Variants in SGK1 observed in about 807,000 individuals in gnomAD.
The protein encoded by SGK1 is serine/threonine-protein kinase Sgk1.
SGK1 carries 26 observed loss-of-function variants against 64.2 expected under a neutral mutation model. The ratio of observed to expected loss-of-function variants is 0.40; its 90% CI spans 0.30 to 0.56. SGK1 has a LOEUF of 0.56. SGK1 is among the 20% of genes least tolerant of loss of function. The probability of loss-of-function intolerance (pLI) is 0.38; values close to 1 mark genes in which losing one functional copy is unlikely to be tolerated. For synonymous variants in SGK1, 265 were observed against 239.7 expected, an observed-to-expected ratio of 1.11 and a Z score of -0.98; for missense variants, 519 against 645.6, an observed-to-expected ratio of 0.80 and a Z score of 2.12.
At chr6:134,258,480 G>A (rs544651308) in intron 2 of SGK1, among the ~76,000 whole-genome samples, 3 of 152,258 alleles carry the variant, frequency 2.0e-5, no homozygotes, top group African/African-American at 2.4e-5. Context: ...CGAGGCAGGC[G>A]AATCACCTGA....
chr6:134,196,141 A>G (rs1775590899), intron 3 of SGK1, among the ~76,000 whole-genome samples: 1 of 152,208 alleles, frequency 6.6e-6, no homozygotes. Flanking sequence ...TGTATAAGAA[A>G]TGAAAGGACA....
At chr6:134,177,202 G>A (rs932595611) in intron 3 of SGK1, among the ~76,000 whole-genome samples, 1 of 151,660 alleles carries the variant, frequency 6.6e-6, no homozygotes, top group Non-Finnish European at 1.5e-5. Context: ...AACAGAGCGA[G>A]ACTCCGTCTC....
rs1562268912 is a variant in SGK1 at position 134,265,520 on chromosome 6, T to C, written c.70-3372A>G. ...TATATATACACATATATATTTTATA[T>C]ATACATATATATTTTATATACACAT... is the stretch of plus-strand genomic sequence containing the variant. On this transcript the variant is annotated intron_variant, in intron 1 of 13. Transcript: ENST00000367858. Among the ~76,000 whole-genome samples the C allele has an allele frequency of 4.1e-5, 6 of 147,298 alleles. No homozygotes were observed. The South Asian group carries it at 1.3e-3, about 31-fold the overall frequency.
intron 3 of SGK1, among the ~76,000 whole-genome samples, chr6:134,182,861 A>G (rs1487827211): frequency 6.6e-6 from 1 of 152,236 alleles, no homozygotes; most frequent in Non-Finnish European, 1.5e-5. Flanking sequence ...ATGATTACTG[A>G]ATAAAGACTT....
At chr6:134,296,838 G>A (rs1777357055) in intron 1 of SGK1, among the ~76,000 whole-genome samples, 1 of 151,942 alleles carries the variant, frequency 6.6e-6, no homozygotes, top group Non-Finnish European at 1.5e-5. Flanking sequence ...GGGCAAGGGG[G>A]GGTCCCCAAG....
At chr6:134,253,474 C>T (rs1391737891) in intron 2 of SGK1, among the ~76,000 whole-genome samples, 1 of 151,662 alleles carries the variant, frequency 6.6e-6, no homozygotes, top group South Asian at 2.1e-4. Context: ...ACAGCGAGAC[C>T]TTGTCTCTAC....
At chr6:134,254,127 T>TTTAA (rs1562265566) in intron 2 of SGK1, among the ~76,000 whole-genome samples, 3 of 128,420 alleles carry the variant, frequency 2.3e-5, no homozygotes, top group African/African-American at 5.9e-5. Flanking sequence ...TTTTTTTTTT[T>TTTAA]CAAAAAAAAA....
intron 1 of SGK1, among the ~76,000 whole-genome samples, chr6:134,301,084 A>C (rs1171746807): frequency 6.6e-6 from 1 of 152,254 alleles, no homozygotes; most frequent in Admixed American, 6.5e-5. Flanking sequence ...AAAAATAGGA[A>C]GAAAAATCAA....
intron 4 of SGK1, 36 bp downstream of exon 4, chr6:134,174,475 T>C (rs1775144143): frequency 1.3e-6 from 2 of 1,505,906 alleles, no homozygotes; most frequent in Admixed American, 1.7e-5. Context: ...AAATTCAAAC[T>C]ATACTAGTTA....
intron 1 of SGK1, among the ~76,000 whole-genome samples, chr6:134,264,346 C>G (rs1322721170): frequency 6.6e-6 from 1 of 151,960 alleles, no homozygotes; most frequent in African/African-American, 2.4e-5. Flanking sequence ...GTCTCGATCT[C>G]CTGACCTCAT....
At chr6:134,316,568 C>T (rs1427398176) in intron 1 of SGK1, among the ~76,000 whole-genome samples, 3 of 151,876 alleles carry the variant, frequency 2.0e-5, no homozygotes, top group Non-Finnish European at 2.9e-5. Context: ...GTGGCCATCC[C>T]AGTGAACTGA....
intron 2 of SGK1, chr6:134,261,052 A>G (rs556457311): frequency 4.6e-5 from 7 of 152,344 alleles, no homozygotes; most frequent in African/African-American, 1.7e-4. Context: ...ATAATCTTAA[A>G]TTTTTGAAAT....
At chr6:134,174,662 TC>T in intron 3 of SGK1, 76 bp from the exon 4 acceptor site, 1 of 1,608,914 alleles carries the variant, frequency 6.2e-7, no homozygotes, top group South Asian at 1.1e-5. Context: ...ACTAATCTGA[TC>T]CGGGACTTTC....
In SGK1 at chr6:134,207,255, AC is replaced by A. The variant is rs1168209548; in HGVS notation, c.361+100del. ...AAAACAAAAAACAAAAAACAAACAA[AC>A]AAAAAAATATTTCCCCCCAAACCTT... On this transcript the variant is annotated intron_variant, in intron 3 of 13. Transcript: ENST00000367858. 5.1e-6 allele frequency: 4 copies of A among 783,260 alleles called. No individual in the cohort carries two copies. In the African/African-American group the frequency reaches 5.3e-5, roughly 10 times the overall value. The allele number at this position is 783,260 out of a possible 1,614,324, so 48.5% of individuals were successfully genotyped here.
chr6:134,258,863 G>A (rs187762612), intron 2 of SGK1, among the ~76,000 whole-genome samples: 28 of 152,110 alleles, frequency 1.8e-4, no homozygotes, highest in East Asian at 1.5e-3. Flanking sequence ...TGCATGGGGC[G>A]TGTAGTCCCA....
At chr6:134,251,040 G>A (rs1381644410) in intron 2 of SGK1, among the ~76,000 whole-genome samples, 1 of 152,176 alleles carries the variant, frequency 6.6e-6, no homozygotes, top group Non-Finnish European at 1.5e-5. Context: ...GGCTCCCAAA[G>A]TTCTGGGATT....
Position 134,173,466 on chromosome 6 carries a change from C to T in SGK1, c.614G>A (p.Gly205Glu). The T allele has an allele frequency of 6.2e-7, 1 of 1,609,506 alleles. No individual in the cohort carries two copies. Among genetic ancestry groups the T allele is most frequent in the Non-Finnish European group, 8.5e-7 (1 of 1,177,682 alleles). The change falls in exon 6 of 14, where the codon GGA becomes GAA. Residue 205 changes from glycine to glutamate, a missense_variant. Gly to Glu is a moderately conservative substitution (Grantham distance 98). This residue lies in a region of SGK1 where 278 missense variants were observed against 408.7 expected (regional missense o/e 0.68). Transcript: ENST00000367858. ...FLKVIGKGSF[G>E]KVLLARHKAE... ...GATCTTCAGATTTGAAATTACCTTTCCAAAACTGCCCTTTCCGATCACTTT... is the reference window on the plus strand; with the variant it reads ...GATCTTCAGATTTGAAATTACCTTTTCAAAACTGCCCTTTCCGATCACTTT...
intron 1 of SGK1, among the ~76,000 whole-genome samples, chr6:134,293,516 T>C (rs2114782647): frequency 6.6e-6 from 1 of 152,298 alleles, no homozygotes; most frequent in East Asian, 1.9e-4. Context: ...ATATCAAACC[T>C]TTAAACCTCA....
intron 2 of SGK1, among the ~76,000 whole-genome samples, chr6:134,232,506 AGAGG>A (rs1253170866): frequency 6.3e-4 from 91 of 144,798 alleles, no homozygotes; most frequent in African/African-American, 2.0e-3. Context: ...AAAAGAAAGA[AGAGG>A]GAGGGAGGGA....
Sources: gnomAD v4.1 joint callset for allele counts (sites outside exome capture counted in the v4.1 genomes callset) on GRCh38, gnomAD v4.1.1 for gene constraint, gnomAD v4.1.1 regional missense constraint, MANE v1.5 for transcripts, NCBI Gene and HGNC (gene_info 2026-07-23, HGNC 2026-07-21) for gene names.